Variants in MAN1B1 observed in about 807,000 individuals in gnomAD.
MAN1B1 encodes endoplasmic reticulum mannosyl-oligosaccharide 1,2-alpha-mannosidase.
Under a neutral mutation model 75.5 loss-of-function variants are expected in MAN1B1, and 66 were observed. The ratio of observed to expected loss-of-function variants is 0.87; its 90% CI spans 0.72 to 1.07. The LOEUF (loss-of-function observed/expected upper bound fraction) is 1.07, where lower values mean the gene tolerates loss of function less well. Among genes scored for constraint, MAN1B1 ranks in the 50% least tolerant of loss-of-function variants. The pLI is 0.00. For synonymous variants in MAN1B1, 453 were observed against 382.8 expected (o/e 1.18, Z -2.14); for missense variants, 973 against 912.5 (o/e 1.07, Z -0.85).
At chr9:137,087,536 C>G (rs779292130) in intron 1 of MAN1B1, 41 of 587,604 alleles carry the variant, frequency 7.0e-5, no homozygotes, top group South Asian at 2.4e-4. Context: ...GAGCGGAAAC[C>G]GGAGGTTCCC....
chr9:137,107,973 C>T (rs1304655492), intron 12 of MAN1B1: 2 of 627,594 alleles, frequency 3.2e-6, no homozygotes, highest in Middle Eastern at 5.5e-4. Flanking sequence ...GAGGCACACG[C>T]ACCCATGACT....
chr9:137,107,782 G>A, intron 12 of MAN1B1, 120 bp downstream of exon 12: 1 of 1,478,382 alleles, frequency 6.8e-7, no homozygotes, highest in Non-Finnish European at 9.4e-7. Context: ...GGGAGGGGCG[G>A]GCTTGCCGCA....
chr9:137,087,497 G>A, intron 1 of MAN1B1: 1 of 649,650 alleles, frequency 1.5e-6, no homozygotes, highest in South Asian at 1.5e-5. Context: ...TTTTCTGCAA[G>A]GTCCTGGCCC....
intron 4 of MAN1B1, among the ~76,000 whole-genome samples, chr9:137,097,577 G>T (rs1057461559): frequency 1.3e-5 from 2 of 152,106 alleles, no homozygotes; most frequent in African/African-American, 2.4e-5. Flanking sequence ...GATTTCTCAC[G>T]ATTCTCCAAG....
chr9:137,107,034 C>T, intron 10 of MAN1B1: 1 of 748,092 alleles, frequency 1.3e-6, no homozygotes, highest in Non-Finnish European at 2.1e-6. Flanking sequence ...CCTCCCCGTG[C>T]CCGGTGTGTA....
At position 137,107,604 on chromosome 9, in the gene MAN1B1, A is replaced by G. The variant is rs1831161553; in HGVS notation, c.1838A>G (p.Asp613Gly). The G allele has an allele frequency of 1.2e-6, 2 of 1,611,572 alleles. No homozygotes were observed. The highest frequency in any genetic ancestry group is 2.7e-5 in the African/African-American group (2 of 74,936). Residue 613 changes from aspartate to glycine, a missense_variant, in exon 12 of 13, where the codon GAC (aspartate) becomes GGC (glycine). Physicochemically the swap from Asp to Gly is moderately conservative, Grantham distance 94 (BLOSUM62 -1). Coordinates refer to ENST00000371589, the MANE Select transcript of MAN1B1 (RefSeq NM_016219.5). ...TTCTACCTGTACCGCGTCACAGGGG[A>G]CCGCAAATACCAGGACTGGGGCTGG... ...SLFYLYRVTG[D>G]RKYQDWGWEI... is the part of the protein sequence containing the mutation.
Position 137,088,871 on chromosome 9 carries a change from C to G in MAN1B1, c.331C>G (p.Leu111Val), listed in dbSNP as rs371270807. 12 of 1,613,932 alleles carry G rather than the reference C, an allele frequency of 7.4e-6. No homozygotes were observed. Among genetic ancestry groups the G allele is most frequent in the South Asian group, 4.4e-5 (4 of 91,082 alleles). Residue 111 changes from leucine to valine, a missense_variant and splice_region_variant, in exon 3 of 13, where the codon CTG becomes GTG. Transcript: ENST00000371589. ...ATAAAATAGCTTCTGTTATTCAGCT[C>G]TGGCTTTCAGGCTAGAGGAAGAGCA... ...YINLADHWKA[L>V]AFRLEEEQKM...
intron 3 of MAN1B1, among the ~76,000 whole-genome samples, chr9:137,095,211 G>T (rs1438882251): frequency 6.6e-6 from 1 of 151,848 alleles, no homozygotes; most frequent in Non-Finnish European, 1.5e-5. Context: ...GCGCCACCAC[G>T]CCTGGCTAAT....
chr9:137,089,377 A>C (rs1483139829), intron 3 of MAN1B1: 1 of 347,546 alleles, frequency 2.9e-6, no homozygotes, highest in African/African-American at 2.1e-5. Flanking sequence ...GGTGAAGAAC[A>C]GTGGCTGGTC....
At position 137,099,692 on chromosome 9, in the gene MAN1B1, C is replaced by T. The variant is rs368940533; in HGVS notation, c.731-4C>T. On this transcript the variant is annotated splice_polypyrimidine_tract_variant and splice_region_variant and intron_variant, in intron 5 of 12. Transcript: ENST00000371589. ...CATGGCCTGTGCTCTCTCCCCCCTA[C>T]TAGTGCATCTGAACTATCGCCAGAA... 2.7e-4 allele frequency: 434 copies of T among 1,614,062 alleles called. No homozygotes were observed. The highest frequency in any genetic ancestry group is 3.6e-4 in the Non-Finnish European group (423 of 1,180,026).
At position 137,107,401 on chromosome 9, in the gene MAN1B1, A is replaced by C; in HGVS notation, c.1718A>C (p.His573Pro). Residue 573 changes from histidine to proline, a missense_variant, in exon 11 of 13, where the codon CAC becomes CCC. His to Pro is a moderately conservative substitution (Grantham distance 77, BLOSUM62 -2). Transcript: ENST00000371589. ...ACGGGGCTGAGTCCCGAGATCGTGC[A>C]CTTCAACCTTTACCCCCAGCCGGGC... The part of the protein sequence containing the change: ...METGLSPEIV[H>P]FNLYPQPGRR... 1 of 1,613,414 alleles carries C rather than the reference A, an allele frequency of 6.2e-7. No homozygotes were observed. The highest frequency in any genetic ancestry group is 8.5e-7 in the Non-Finnish European group (1 of 1,179,988).
intron 9 of MAN1B1, 149 bp downstream of exon 9, chr9:137,106,464 C>A (rs1831111388): frequency 1.0e-5 from 10 of 996,898 alleles, no homozygotes; most frequent in Non-Finnish European, 1.5e-5. Flanking sequence ...AGGCCTGGCC[C>A]AGGCATTTAT....
chr9:137,106,213 G>A lies in MAN1B1; in HGVS notation c.1343G>A (p.Gly448Asp). 1.2e-6 allele frequency: 2 copies of A among 1,610,468 alleles called. No homozygotes were observed. Among genetic ancestry groups the A allele is most frequent in the Non-Finnish European group, 1.7e-6 (2 of 1,178,874 alleles). Residue 448 changes from glycine to aspartate, a missense_variant, in exon 9 of 13, where the codon GGC (glycine) becomes GAC (aspartate). Transcript: ENST00000371589. ...CCCATGTTCATCAATACCCACAGTGGCCTCTTCACCCACCTGGGCGTATTC... is the reference window on the plus strand; with the variant it reads ...CCCATGTTCATCAATACCCACAGTGACCTCTTCACCCACCTGGGCGTATTC... ...LVPMFINTHS[G>D]LFTHLGVFTL...
In MAN1B1 at chr9:137,087,553, G is replaced by A. The variant is rs1052026754; in HGVS notation, c.219+335G>A. ...GCGGAAACCGGAGGTTCCCCGTGGT[G>A]TATGCTCCCCTCGGTACAGTGAGAA... On this transcript the variant is annotated intron_variant, in intron 1 of 12. Coordinates refer to ENST00000371589, the MANE Select transcript of MAN1B1 (RefSeq NM_016219.5). 20 of 565,282 alleles carry A rather than the reference G, an allele frequency of 3.5e-5. No individual in the cohort carries two copies. In the African/African-American group the frequency reaches 3.7e-4, roughly 10 times the overall value. 35.0% of individuals were successfully genotyped at this position (565,282 alleles called of 1,614,324 possible).
At chr9:137,104,388 C>T (rs1831019342) in intron 8 of MAN1B1, 6 of 293,946 alleles carry the variant, frequency 2.0e-5, no homozygotes, top group South Asian at 2.0e-4. Flanking sequence ...GCGCCTGCCA[C>T]CACGCCCAGC....
intron 3 of MAN1B1, among the ~76,000 whole-genome samples, chr9:137,092,079 C>T (rs1304965325): frequency 2.0e-5 from 3 of 152,098 alleles, no homozygotes; most frequent in Non-Finnish European, 2.9e-5. Flanking sequence ...TGGTATATGT[C>T]TTTCAATTTA....
intron 2 of MAN1B1, chr9:137,088,436 G>A: frequency 6.5e-7 from 1 of 1,547,940 alleles, no homozygotes. Flanking sequence ...TATAGAGTAA[G>A]TCAGCTGGTG....
chr9:137,089,094 T>C, intron 3 of MAN1B1, 89 bp downstream of exon 3: 1 of 1,461,132 alleles, frequency 6.8e-7, no homozygotes, highest in East Asian at 2.3e-5. Context: ...TTATTTTCCT[T>C]TACCATTTAT....
In MAN1B1 at chr9:137,108,502, C is replaced by G. The variant is rs1437582886; in HGVS notation, c.2011C>G (p.Leu671Val). ...LGETLKYLFL[L>V]FSDDPNLLSL... ...GGAGACGCTCAAGTATCTGTTCTTG[C>G]TCTTCTCCGATGACCCAAACCTGCT... The change falls in exon 13 of 13, where the codon CTC becomes GTC. Residue 671 changes from leucine (L) to valine (V), a missense_variant. Transcript: ENST00000371589. 2 of 1,613,846 alleles carry G rather than the reference C, an allele frequency of 1.2e-6. No individual in the cohort carries two copies. Among genetic ancestry groups the G allele is most frequent in the Non-Finnish European group, 1.7e-6 (2 of 1,180,004 alleles).
Sources: gnomAD v4.1 joint callset for allele counts (sites outside exome capture counted in the v4.1 genomes callset) on GRCh38, gnomAD v4.1.1 for gene constraint, MANE v1.5 for transcripts, NCBI Gene and HGNC (gene_info 2026-07-23, HGNC 2026-07-21) for gene names.